The following PRKD2 variants were observed in gnomAD, a reference collection of about 807,000 sequenced individuals.
PRKD2 encodes protein kinase D2, also known as serine/threonine-protein kinase D2.
A neutral mutation model predicts 86.0 loss-of-function variants in PRKD2; 22 were observed. The observed-to-expected ratio is 0.26, with a 90% CI of 0.18 to 0.37. The LOEUF is 0.37. Ranked by LOEUF, PRKD2 falls within the 10% of genes least tolerant of loss-of-function variation. The probability of loss-of-function intolerance (pLI) is 1.00; values close to 1 mark genes in which losing one functional copy is unlikely to be tolerated. For synonymous variants in PRKD2, 509 were observed against 510.9 expected (o/e 1.00, Z 0.05); for missense variants, 818 against 1,199.2 (o/e 0.68, Z 4.70).
At chr19:46,679,181 A>G (rs2053258476) in intron 15 of PRKD2, among the ~76,000 whole-genome samples, 1 of 152,088 alleles carries the variant, frequency 6.6e-6, no homozygotes, top group Non-Finnish European at 1.5e-5. Context: ...CATCTCTACT[A>G]AAAATACAAA....
chr19:46,683,965 A>G (rs1469527223), intron 14 of PRKD2, among the ~76,000 whole-genome samples: 1 of 152,040 alleles, frequency 6.6e-6, no homozygotes, highest in Non-Finnish European at 1.5e-5. Context: ...ATTTGTAACC[A>G]TTCATCTGTG....
intron 14 of PRKD2, chr19:46,685,463 G>A (rs2053383058): frequency 6.6e-6 from 1 of 152,188 alleles, no homozygotes; most frequent in Non-Finnish European, 1.5e-5. Context: ...AGCTCAGGAG[G>A]TAAAGGGCTT....
At chr19:46,715,641 AT>A (rs1312563635) in intron 1 of PRKD2, among the ~76,000 whole-genome samples, 1 of 152,148 alleles carries the variant, frequency 6.6e-6, no homozygotes, top group East Asian at 1.9e-4. Context: ...CTCCACACAT[AT>A]CTCAGGCTTA....
intron 9 of PRKD2, among the ~76,000 whole-genome samples, chr19:46,694,904 C>T (rs537182299): frequency 3.3e-5 from 5 of 151,720 alleles, no homozygotes; most frequent in African/African-American, 1.2e-4. Flanking sequence ...GACCCCAGCT[C>T]TACAAAAAAT....
At chr19:46,686,500 AATTAGCT>A (rs2053399784) in intron 14 of PRKD2, among the ~76,000 whole-genome samples, 2 of 107,370 alleles carry the variant, frequency 1.9e-5, no homozygotes, top group African/African-American at 7.5e-5. Context: ...AAAAAAAAAA[AATTAGCT>A]GGACGTGGTG....
At chr19:46,685,982 T>C (rs1020766712) in intron 14 of PRKD2, 1 of 151,802 alleles carries the variant, frequency 6.6e-6, no homozygotes, top group African/African-American at 2.4e-5. Flanking sequence ...TGGATGAGGG[T>C]GCATCAGTGG....
chr19:46,689,720 C>G, intron 13 of PRKD2, 22 bp from the exon 14 acceptor site: 2 of 1,613,294 alleles, frequency 1.2e-6, no homozygotes, highest in Non-Finnish European at 1.7e-6. Context: ...GGAGCGGGGT[C>G]AGGGCCCAGG....
intron 5 of PRKD2, among the ~76,000 whole-genome samples, chr19:46,703,354 C>T (rs568151084): frequency 2.0e-5 from 3 of 152,134 alleles, no homozygotes; most frequent in East Asian, 1.9e-4. Context: ...CAGCTGGGCG[C>T]GGTGGCTCAC....
At position 46,713,924 on chromosome 19, in the gene PRKD2, CAGG is replaced by C; in HGVS notation, c.315_317del (p.Leu106del). On this transcript the variant is annotated inframe_deletion, in exon 2 of 18. Transcript: ENST00000291281. ...TGTCTCCGGACGAGCGCACCAGCTG[CAGG>C]AGGTTGGCCGACGTGGGGTCATGTT... The C allele has an allele frequency of 6.2e-7, 1 of 1,613,452 alleles. No homozygotes were observed. The highest frequency in any genetic ancestry group is 8.5e-7 in the Non-Finnish European group (1 of 1,179,826).
chr19:46,686,972 T>C (rs2053408454), intron 14 of PRKD2, among the ~76,000 whole-genome samples: 1 of 150,818 alleles, frequency 6.6e-6, no homozygotes, highest in South Asian at 2.1e-4. Flanking sequence ...AAAAATAAAA[T>C]AAATAAAACC....
chr19:46,712,503 T>C (rs1167347408), intron 2 of PRKD2, among the ~76,000 whole-genome samples: 1 of 151,430 alleles, frequency 6.6e-6, no homozygotes, highest in African/African-American at 2.4e-5. Flanking sequence ...TTTGCGCCAC[T>C]GCACTCCAGC....
At chr19:46,697,050 G>C (rs566324035) in intron 9 of PRKD2, 107 bp downstream of exon 9, 2 of 923,102 alleles carry the variant, frequency 2.2e-6, no homozygotes, top group Admixed American at 1.9e-5. Flanking sequence ...GTGGGCAGAG[G>C]GTGTGATTTG....
At chr19:46,715,999 C>T in intron 1 of PRKD2, 132 bp downstream of exon 1, 1 of 1,361,346 alleles carries the variant, frequency 7.3e-7, no homozygotes, top group Non-Finnish European at 9.7e-7. Context: ...GGGGCAATGC[C>T]CCCTATCCCT....
intron 7 of PRKD2, among the ~76,000 whole-genome samples, chr19:46,698,154 T>A (rs2053587869): frequency 6.6e-6 from 1 of 151,864 alleles, no homozygotes; most frequent in Non-Finnish European, 1.5e-5. Context: ...ACGGTGACCA[T>A]TAGGTGCACG....
At chr19:46,698,569 G>T (rs193232511) in intron 7 of PRKD2, among the ~76,000 whole-genome samples, 1 of 152,352 alleles carries the variant, frequency 6.6e-6, no homozygotes, top group East Asian at 1.9e-4. Flanking sequence ...TGTGGAGCCA[G>T]CTGTGTGACA....
At chr19:46,689,444 C>A in intron 14 of PRKD2, 93 bp downstream of exon 14, 1 of 1,406,240 alleles carries the variant, frequency 7.1e-7, no homozygotes, top group Non-Finnish European at 9.6e-7. Flanking sequence ...TGTGACTCCC[C>A]CAAGTGTCTG....
intron 15 of PRKD2, among the ~76,000 whole-genome samples, chr19:46,680,947 T>TATATATATATATATATA (rs1555826536): frequency 3.9e-4 from 13 of 33,200 alleles, no homozygotes; most frequent in East Asian, 7.1e-4. Context: ...TATATATATA[T>TATATATATATATATATA]TTTTTTTTTT....
rs1315711171 is a variant in PRKD2 at position 46,691,762 on chromosome 19, A to C, written c.1675T>G (p.Ser559Ala). Residue 559 changes from serine (S) to alanine (A), a missense_variant, in exon 12 of 18, where the codon TCA becomes GCA. This residue lies in a region of PRKD2 where 154 missense variants were observed against 359.6 expected (regional missense o/e 0.43). Transcript: ENST00000291281. ...YQIFPDEVLG[S>A]GQFGVVYGGK... is the part of the protein sequence containing the mutation. ...CCATAGACCACTCCAAACTGCCCTGAGCCCAGCACTTCGTCAGGGAAGATC... is the reference window on the plus strand; with the variant it reads ...CCATAGACCACTCCAAACTGCCCTGCGCCCAGCACTTCGTCAGGGAAGATC... 6.2e-7 allele frequency: 1 copy of C among 1,613,098 alleles called. No individual in the cohort carries two copies. The highest frequency in any genetic ancestry group is 1.1e-5 in the South Asian group (1 of 91,026).
In PRKD2 at chr19:46,716,276, G is replaced by A; in HGVS notation, c.95C>T (p.Pro32Leu). The change falls in exon 1 of 18, where the codon CCA becomes CTA. Residue 32 changes from proline to leucine, a missense_variant. Around this residue, in one of 5 missense-constraint regions of PRKD2, gnomAD observed 403 missense variants for 518.6 expected, o/e 0.78. Transcript: ENST00000291281. This position sits in a 1 kb window ranked among gnomAD's most constrained non-coding sequence, Gnocchi z 7.9. ...GGCCGGGATCTGGGGCAGTAGCGGT[G>A]GCGGCGACTGCAGCTCTAGGCCGCC... ...PPGGLELQSPPPLLPQIPAPG... is the reference protein window; with the variant it reads ...PPGGLELQSPLPLLPQIPAPG... 1 of 1,585,276 alleles carries A rather than the reference G, an allele frequency of 6.3e-7. No homozygotes were observed.
Sources: allele counts gnomAD v4.1 joint callset (sites outside exome capture counted in the v4.1 genomes callset), GRCh38; gene constraint gnomAD v4.1.1; regional missense constraint gnomAD v4.1.1; non-coding constraint Gnocchi (gnomAD v3.1); transcripts MANE v1.5; gene names NCBI Gene and HGNC (gene_info 2026-07-23, HGNC 2026-07-21).